FAM167A: variants seen among roughly 807,000 people sequenced by gnomAD.
The protein encoded by FAM167A is family with sequence similarity 167 member A, also known as protein FAM167A.
Under a neutral mutation model 14.9 loss-of-function variants are expected in FAM167A, and 23 were observed. That is an observed-to-expected ratio of 1.55 (90% CI 1.11 to 2.19). FAM167A has a LOEUF of 2.19. Ranked by LOEUF, FAM167A falls within the 30% of genes most tolerant of loss-of-function variation. The pLI, the probability that FAM167A is intolerant of heterozygous loss-of-function variation, is 0.00. For synonymous variants in FAM167A, 174 were observed against 117.7 expected (o/e 1.48, Z -3.10); for missense variants, 401 against 281.5 (o/e 1.42, Z -3.04).
At chr8:11,443,469 C>G (rs115805619) in intron 2 of FAM167A, among the ~76,000 whole-genome samples, 2,730 of 152,304 alleles carry the variant, frequency 0.018, 71 homozygotes, top group African/African-American at 0.062. Context: ...ACCCATCCCG[C>G]CGACTCTGGG....
Position 11,423,672 on chromosome 8 carries a change from A to G in FAM167A, c.*701T>C, listed in dbSNP as rs1315817393. On this transcript the variant is annotated 3_prime_UTR_variant, in exon 3 of 3. Transcript: ENST00000284486. ...GAGATGCATGTGGCCAGGGGAGACAATGGGGACATCTGTGCTTGTTGCACC... is the reference window on the plus strand; with the variant it reads ...GAGATGCATGTGGCCAGGGGAGACAGTGGGGACATCTGTGCTTGTTGCACC... The G allele has an allele frequency of 6.6e-6, 1 of 152,384 alleles. No homozygotes were observed. The highest frequency in any genetic ancestry group is 1.5e-5 in the Non-Finnish European group (1 of 68,196). 9.4% of individuals were successfully genotyped at this position (152,384 alleles called of 1,614,324 possible).
intron 1 of FAM167A, among the ~76,000 whole-genome samples, chr8:11,449,217 C>A (rs1290765056): frequency 6.6e-6 from 1 of 152,210 alleles, no homozygotes; most frequent in African/African-American, 2.4e-5. Flanking sequence ...CTGAACAAGC[C>A]CAAAGGGGTT....
chr8:11,424,499 C>A lies in FAM167A; in HGVS notation c.519G>T (p.Glu173Asp). Residue 173 changes from glutamate (E) to aspartate (D), a missense_variant, in exon 3 of 3, where the codon GAG (glutamate) becomes GAT (aspartate). By Grantham distance (45) the Glu-to-Asp change is conservative. Transcript: ENST00000284486. ...MLNDATYELE[E>D]RDELADLFCD... ...AGAAGAGGTCGGCCAGCTCATCCCG[C>A]TCCTCCAGCTCGTAGGTGGCATCGT... 1 of 1,614,132 alleles carries A rather than the reference C, an allele frequency of 6.2e-7. No individual in the cohort carries two copies. Among genetic ancestry groups the A allele is most frequent in the Non-Finnish European group, 8.5e-7 (1 of 1,179,966 alleles).
Position 11,455,410 on chromosome 8 carries a change from G to A in FAM167A, c.-397-10602C>T, listed in dbSNP as rs560060021. Among the ~76,000 whole-genome samples, 20 of 135,282 alleles carry A rather than the reference G, an allele frequency of 1.5e-4. No homozygotes were observed. In the East Asian group the frequency reaches 3.8e-3, roughly 26 times the overall value. The allele number at this position is 135,282 out of a possible 152,430, so 88.8% of individuals were successfully genotyped here. On this transcript the variant is annotated intron_variant, in intron 1 of 2. Transcript: ENST00000284486. ...GTGAGTGTGATTGTGAGTGTGGGGG[G>A]TGGCTGCTCTGCTGGGTGTGTGTGA...
intron 2 of FAM167A, among the ~76,000 whole-genome samples, chr8:11,426,501 T>G (rs1805168332): frequency 6.6e-6 from 1 of 152,194 alleles, no homozygotes; most frequent in African/African-American, 2.4e-5. Context: ...CACTCCCAGT[T>G]TCCCAAACCC....
Position 11,422,118 on chromosome 8 carries a change from G to A in FAM167A, c.*2255C>T, listed in dbSNP as rs1314009653. ...GTCTTGATCTTAGTTTCCACCCAGA[G>A]AATGAAGAAAGCAAGCAAGCACTGG... On this transcript the variant is annotated 3_prime_UTR_variant, in exon 3 of 3. Transcript: ENST00000284486. The A allele has an allele frequency of 3.4e-6, 1 of 296,334 alleles. No individual in the cohort carries two copies. The highest frequency in any genetic ancestry group is 2.2e-5 in the African/African-American group (1 of 46,380). The allele number at this position is 296,334 out of a possible 1,614,324, so 18.4% of individuals were successfully genotyped here.
At chr8:11,456,686 T>C (rs1201296174) in intron 1 of FAM167A, among the ~76,000 whole-genome samples, 1 of 151,216 alleles carries the variant, frequency 6.6e-6, no homozygotes, top group Non-Finnish European at 1.5e-5. Context: ...GCTGAGTTAG[T>C]GACATGTGCA....
At position 11,466,698 on chromosome 8, in the gene FAM167A, T is replaced by C. The variant is rs1441051928; in HGVS notation, c.-470A>G. On this transcript the variant is annotated 5_prime_UTR_variant, in exon 1 of 3. Transcript: ENST00000284486. The stretch of plus-strand genomic sequence containing the variant: ...CGCCTCCTCCTGCGCGGGTCCGCGC[T>C]GCCCGGCCTCAGCTCAGGGCTCCCG... 6.6e-6 allele frequency: 1 copy of C among 152,376 alleles called. No individual in the cohort carries two copies. Among genetic ancestry groups the C allele is most frequent in the African/African-American group, 2.4e-5 (1 of 41,448 alleles). The allele number at this position is 152,376 out of a possible 1,614,324, so 9.4% of individuals were successfully genotyped here. A position where few individuals can be genotyped will look rare whatever the true frequency, so the allele number is the denominator to read the frequency against.
intron 1 of FAM167A, among the ~76,000 whole-genome samples, chr8:11,457,186 T>A (rs2117136159): frequency 6.6e-6 from 1 of 151,758 alleles, no homozygotes; most frequent in Admixed American, 6.6e-5. Context: ...CTCCTGGGGT[T>A]TTCTCCAAGC....
rs1195711656 is a variant in FAM167A, at chr8:11,434,050, G to C, written c.382-9414C>G. On this transcript the variant is annotated intron_variant, in intron 2 of 2. Coordinates refer to ENST00000284486, the MANE Select transcript of FAM167A (RefSeq NM_053279.3). ...TTAACGCTGGCAGGAAAGAAAGCAG[G>C]AGTGCCCTTCAAACACGCTGCTGAA... is the stretch of plus-strand genomic sequence containing the variant. 2.6e-5 allele frequency: 4 copies of C among 152,360 alleles called. No homozygotes were observed. In the East Asian group the frequency reaches 7.7e-4, roughly 29 times the overall value. 9.4% of individuals were successfully genotyped at this position (152,360 alleles called of 1,614,324 possible).
At chr8:11,437,633 A>G (rs1035459643) in intron 2 of FAM167A, among the ~76,000 whole-genome samples, 24 of 149,126 alleles carry the variant, frequency 1.6e-4, no homozygotes, top group Non-Finnish European at 2.6e-4. Context: ...TAAAACCCCA[A>G]CACCTCCCCA....
In FAM167A at chr8:11,423,085, A is replaced by C. The variant is rs995447253; in HGVS notation, c.*1288T>G. 1 of 152,596 alleles carries C rather than the reference A, an allele frequency of 6.6e-6. No individual in the cohort carries two copies. The highest frequency in any genetic ancestry group is 2.4e-5 in the African/African-American group (1 of 41,438). The allele number at this position is 152,596 out of a possible 1,614,324, so 9.5% of individuals were successfully genotyped here. ...CTAAACAGCTGTGCAACCTGAGGGA[A>C]GTCCTTCTCCTCCCCCAGGTTTCAC... is the stretch of plus-strand genomic sequence containing the variant. On this transcript the variant is annotated 3_prime_UTR_variant, in exon 3 of 3. Transcript: ENST00000284486.
intron 2 of FAM167A, chr8:11,434,082 C>A (rs949803987): frequency 6.6e-6 from 1 of 152,196 alleles, no homozygotes; most frequent in African/African-American, 2.4e-5. Context: ...TGAAGGGCAA[C>A]TGGAGGTTCC....
intron 2 of FAM167A, among the ~76,000 whole-genome samples, chr8:11,428,597 T>G (rs915013316): frequency 1.3e-5 from 2 of 152,230 alleles, no homozygotes; most frequent in Non-Finnish European, 2.9e-5. Flanking sequence ...TGAGGGCATC[T>G]CACAGCGTGA....
chr8:11,450,259 C>A (rs1431616097), intron 1 of FAM167A, among the ~76,000 whole-genome samples: 1 of 152,172 alleles, frequency 6.6e-6, no homozygotes, highest in Admixed American at 6.5e-5. Flanking sequence ...CTGTGTGTAC[C>A]CAGGACAACC....
chr8:11,439,279 G>A (rs896182883), intron 2 of FAM167A, among the ~76,000 whole-genome samples: 3 of 152,248 alleles, frequency 2.0e-5, no homozygotes, highest in African/African-American at 4.8e-5. Flanking sequence ...TAGATGGGGG[G>A]TATCAACCTG....
At chr8:11,428,728 C>T (rs959067249) in intron 2 of FAM167A, among the ~76,000 whole-genome samples, 1 of 152,224 alleles carries the variant, frequency 6.6e-6, no homozygotes, top group Non-Finnish European at 1.5e-5. Context: ...GGGTTTGTCC[C>T]CGTGATGCGG....
Position 11,444,605 on chromosome 8 carries a change from C to T in FAM167A, c.-194G>A, listed in dbSNP as rs754732674. The T allele has an allele frequency of 1.1e-4, 157 of 1,384,654 alleles. 1 individual carries two copies. The highest frequency in any genetic ancestry group is 1.1e-3 in the Middle Eastern group (4 of 3,732). The allele number at this position is 1,384,654 out of a possible 1,614,324, so 85.8% of individuals were successfully genotyped here. A position where few individuals can be genotyped will look rare whatever the true frequency, so the allele number is the denominator to read the frequency against. Reference sequence around the variant, plus strand: ...GGACCGCGCAGTGAGCCGCACAGGGCGCCCTCCTGGAGGCTCGGGTCTATG... The same window carrying T: ...GGACCGCGCAGTGAGCCGCACAGGGTGCCCTCCTGGAGGCTCGGGTCTATG... On this transcript the variant is annotated 5_prime_UTR_variant, in exon 2 of 3. Transcript: ENST00000284486.
chr8:11,432,517 G>T (rs1020621449), intron 2 of FAM167A, among the ~76,000 whole-genome samples: 1 of 152,158 alleles, frequency 6.6e-6, no homozygotes, highest in African/African-American at 2.4e-5. Context: ...ATCACAAGGA[G>T]ATACCATCTC....
Sources: gnomAD v4.1 joint callset for allele counts (sites outside exome capture counted in the v4.1 genomes callset) on GRCh38, gnomAD v4.1.1 for gene constraint, MANE v1.5 for transcripts, NCBI Gene and HGNC (gene_info 2026-07-23, HGNC 2026-07-21) for gene names.